Variants in SWT1 observed in about 807,000 individuals in gnomAD.
The protein encoded by SWT1 is SWT1 RNA endoribonuclease homolog, also known as transcriptional protein SWT1.
Under a neutral mutation model 107.3 loss-of-function variants are expected in SWT1, and 33 were observed. That is an observed-to-expected ratio of 0.31 (90% confidence interval 0.23 to 0.41). The LOEUF is 0.41. Among genes scored for constraint, SWT1 ranks in the 10% least tolerant of loss-of-function variants. SWT1 has a pLI of 1.00. For missense variants in SWT1, 898 were observed against 1,028.9 expected, an observed-to-expected ratio of 0.87 and a Z score of 1.74; for synonymous variants, 345 against 348.3, an observed-to-expected ratio of 0.99 and a Z score of 0.11.
intron 4 of SWT1, among the ~76,000 whole-genome samples, chr1:185,170,618 G>T (rs1333397842): frequency 6.6e-6 from 1 of 152,184 alleles, no homozygotes; most frequent in Admixed American, 6.5e-5. Flanking sequence ...CCCTCTGCTG[G>T]AAACCAAAGT....
At chr1:185,181,813 T>A in intron 6 of SWT1, 133 bp from the exon 7 acceptor site, 1 of 832,588 alleles carries the variant, frequency 1.2e-6, no homozygotes, top group Admixed American at 2.8e-5. Context: ...TTTACTATGC[T>A]CCTTCAGAGT....
chr1:185,256,853 T>C (rs1362836437), intron 16 of SWT1, among the ~76,000 whole-genome samples: 9 of 152,304 alleles, frequency 5.9e-5, no homozygotes, highest in Non-Finnish European at 1.0e-4. Flanking sequence ...AGAGGAGAGG[T>C]GCTCTGCTTT....
At chr1:185,196,677 GTTC>G (rs746378353) in intron 10 of SWT1, among the ~76,000 whole-genome samples, 3 of 152,096 alleles carry the variant, frequency 2.0e-5, no homozygotes, top group Admixed American at 6.5e-5. Flanking sequence ...GTGGTTTGTA[GTTC>G]TTCTTAAAGA....
In SWT1 at chr1:185,260,792, C is replaced by T. The variant is rs78326991; in HGVS notation, c.2442-10531C>T. Among the ~76,000 whole-genome samples, 840 of 152,154 alleles carry T rather than the reference C, an allele frequency of 5.5e-3. 35 individuals carry two copies. In the East Asian group the frequency reaches 0.093, roughly 17 times the overall value. On this transcript the variant is annotated intron_variant, in intron 16 of 18. Coordinates refer to ENST00000367500, the MANE Select transcript of SWT1 (RefSeq NM_017673.7). ...TAGTATAAATGTTTCTTAGATTATA[C>T]ATGAAAAGATAAAACCATTCATAAT... is the stretch of plus-strand genomic sequence containing the variant.
At chr1:185,238,232 T>C (rs1661032578) in intron 16 of SWT1, among the ~76,000 whole-genome samples, 1 of 152,068 alleles carries the variant, frequency 6.6e-6, no homozygotes, top group South Asian at 2.1e-4. Context: ...GTGATCCTCC[T>C]TTCTTGGCCT....
chr1:185,207,761 G>A (rs533848760), intron 13 of SWT1, among the ~76,000 whole-genome samples: 6 of 152,154 alleles, frequency 3.9e-5, no homozygotes, highest in African/African-American at 1.4e-4. Context: ...AGTTAGTCAG[G>A]TGTGTGGTGC....
intron 16 of SWT1, among the ~76,000 whole-genome samples, chr1:185,246,357 G>A (rs953701): frequency 0.039 from 5,950 of 151,404 alleles, 279 homozygotes; most frequent in African/African-American, 0.097. Context: ...GGCTCACTGC[G>A]ACCTCCACTT....
chr1:185,250,453 C>T (rs1490309618), intron 16 of SWT1, among the ~76,000 whole-genome samples: 1 of 152,104 alleles, frequency 6.6e-6, no homozygotes, highest in African/African-American at 2.4e-5. Flanking sequence ...ATAGTTCTTA[C>T]ACTGCTAAGT....
chr1:185,277,601 T>G (rs750771832), intron 18 of SWT1, among the ~76,000 whole-genome samples: 4 of 152,276 alleles, frequency 2.6e-5, no homozygotes, highest in African/African-American at 9.6e-5. Context: ...CATCTTAGTC[T>G]TATTATGGAA....
intron 16 of SWT1, among the ~76,000 whole-genome samples, chr1:185,234,039 C>T (rs546664330): frequency 1.6e-3 from 247 of 152,226 alleles, no homozygotes; most frequent in Non-Finnish European, 2.9e-3. Context: ...CCTCTGCGCC[C>T]GGCCTAATTT....
chr1:185,233,719 C>T (rs921788656), intron 16 of SWT1, among the ~76,000 whole-genome samples: 8 of 152,028 alleles, frequency 5.3e-5, no homozygotes, highest in Non-Finnish European at 1.2e-4. Context: ...TGTTTTACTT[C>T]GAATTATGTG....
intron 15 of SWT1, among the ~76,000 whole-genome samples, chr1:185,226,069 G>A (rs914425467): frequency 7.2e-5 from 11 of 151,938 alleles, no homozygotes; most frequent in African/African-American, 2.7e-4. Flanking sequence ...ATTCTGGTTA[G>A]CAGAAAGTTA....
rs151124815 is a variant in SWT1 at position 185,199,662 on chromosome 1, C to A, written c.1524-2992C>A. Among the ~76,000 whole-genome samples, 219 of 152,202 alleles carry A rather than the reference C, an allele frequency of 1.4e-3. 2 individuals are homozygous for A. Among genetic ancestry groups the A allele is most frequent in the African/African-American group, 5.0e-3 (209 of 41,538 alleles). On this transcript the variant is annotated intron_variant, in intron 10 of 18. Transcript: ENST00000367500. ...TTGTGGGTAACCCGACTTTTCTCTC[C>A]GACTGCCCTTAACATTTTTTCCTCC...
At chr1:185,165,755 T>C (rs1472914603) in intron 2 of SWT1, among the ~76,000 whole-genome samples, 2 of 152,260 alleles carry the variant, frequency 1.3e-5, no homozygotes, top group Non-Finnish European at 2.9e-5. Context: ...TAATTTGCTT[T>C]TCTACTCCAT....
intron 10 of SWT1, among the ~76,000 whole-genome samples, chr1:185,194,433 A>C (rs528430896): frequency 7.9e-5 from 12 of 151,880 alleles, no homozygotes; most frequent in African/African-American, 2.9e-4. Context: ...CTTTTTTGAA[A>C]AAAACTTCTT....
At chr1:185,204,418 A>G (rs1217564684) in intron 11 of SWT1, among the ~76,000 whole-genome samples, 3 of 152,174 alleles carry the variant, frequency 2.0e-5, no homozygotes, top group Admixed American at 6.5e-5. Context: ...TGTAGTTGAA[A>G]TATCGCATAC....
intron 2 of SWT1, among the ~76,000 whole-genome samples, chr1:185,165,375 C>A (rs1046290107): frequency 1.3e-5 from 2 of 152,068 alleles, no homozygotes; most frequent in Admixed American, 6.5e-5. Flanking sequence ...TGCCATAAAC[C>A]TTCAATTTGT....
chr1:185,163,933 A>G (rs1654367502), intron 2 of SWT1, among the ~76,000 whole-genome samples: 1 of 152,210 alleles, frequency 6.6e-6, no homozygotes, highest in Non-Finnish European at 1.5e-5. Context: ...GAAGGTTTTC[A>G]ATTTACTTTG....
intron 18 of SWT1, among the ~76,000 whole-genome samples, chr1:185,278,143 A>G (rs868183779): frequency 2.0e-5 from 3 of 152,246 alleles, no homozygotes; most frequent in Admixed American, 6.5e-5. Flanking sequence ...TCCAATTCTT[A>G]CATACACAGG....
Sources: allele counts gnomAD v4.1 joint callset (sites outside exome capture counted in the v4.1 genomes callset), GRCh38; gene constraint gnomAD v4.1.1; transcripts MANE v1.5; gene names NCBI Gene and HGNC (gene_info 2026-07-23, HGNC 2026-07-21).